The following LAMA3 variants were observed in gnomAD, a reference collection of about 807,000 sequenced individuals.
The protein encoded by LAMA3 is laminin subunit alpha-3.
LAMA3 carries 281 observed loss-of-function variants against 402.0 expected under a neutral mutation model. The ratio of observed to expected loss-of-function variants is 0.70; its 90% CI spans 0.63 to 0.77. LAMA3 has a LOEUF of 0.77. LAMA3 is among the 30% of genes least tolerant of loss of function. The pLI, the probability that LAMA3 is intolerant of heterozygous loss-of-function variation, is 0.00. For missense variants in LAMA3, 3,840 were observed against 4,215.5 expected, an observed-to-expected ratio of 0.91 and a Z score of 2.47; for synonymous variants, 1,431 against 1,558.4, an observed-to-expected ratio of 0.92 and a Z score of 1.93.
At position 23,898,768 on chromosome 18, in the gene LAMA3, T is replaced by C; in HGVS notation, c.5644T>C (p.Ser1882Pro). 1 of 1,610,794 alleles carries C rather than the reference T, an allele frequency of 6.2e-7. No individual in the cohort carries two copies. The highest frequency in any genetic ancestry group is 8.5e-7 in the Non-Finnish European group (1 of 1,176,968). ...NQLLNYRSAI[S>P]NHGSKIEGLE... The stretch of plus-strand genomic sequence containing the variant: ...GTTGCTCAACTACCGTTCTGCCATT[T>C]CAAATCATGGATCAAAAATAGAAGG... The change falls in exon 45 of 75, where the codon TCA becomes CCA. Residue 1882 changes from serine to proline, a missense_variant. Physicochemically the swap from Ser to Pro is moderately conservative, Grantham distance 74. Transcript: ENST00000313654.
chr18:23,728,445 C>A (rs2061335033), intron 2 of LAMA3, among the ~76,000 whole-genome samples: 1 of 152,186 alleles, frequency 6.6e-6, no homozygotes, highest in Non-Finnish European at 1.5e-5. Context: ...CTGTAAGGCT[C>A]CAGCTCTGTC....
At chr18:23,902,967 A>G in intron 48 of LAMA3, 42 bp from the exon 49 acceptor site, 1 of 1,137,708 alleles carries the variant, frequency 8.8e-7, no homozygotes, top group Non-Finnish European at 1.3e-6. Context: ...CCTTCTGATA[A>G]TATATCATAG....
At chr18:23,837,611 A>C (rs1305925354) in intron 25 of LAMA3, among the ~76,000 whole-genome samples, 1 of 134,474 alleles carries the variant, frequency 7.4e-6, no homozygotes, top group Non-Finnish European at 1.6e-5. Context: ...AAGAGTTAAA[A>C]TATCAAGTGT....
chr18:23,749,541 G>T lies in LAMA3; in HGVS notation c.679G>T (p.Gly227Cys). 1.3e-6 allele frequency: 2 copies of T among 1,550,880 alleles called. No homozygotes were observed. The highest frequency in any genetic ancestry group is 1.1e-5 in the South Asian group (1 of 89,766). ...EYSRIVPLEN[G>C]EVVVSLINGR... ...TTCCCGTATTGTACCTTTGGAAAAT[G>T]GTGAGGTAAGTAGATTTGGAAGACT... Residue 227 changes from glycine (G) to cysteine (C), a missense_variant, in exon 4 of 75, where the codon GGT (glycine) becomes TGT (cysteine). Gly to Cys is a radical substitution (Grantham distance 159). Coordinates refer to ENST00000313654, the MANE Select transcript of LAMA3 (RefSeq NM_198129.4).
chr18:23,949,661 A>T, intron 70 of LAMA3, 104 bp from the exon 71 acceptor site: 1 of 1,085,320 alleles, frequency 9.2e-7, no homozygotes, highest in Non-Finnish European at 1.4e-6. Flanking sequence ...ATCCCTACCT[A>T]CCTTCCCCCT....
intron 34 of LAMA3, among the ~76,000 whole-genome samples, chr18:23,860,522 G>A (rs974010317): frequency 2.0e-5 from 3 of 151,896 alleles, no homozygotes; most frequent in Non-Finnish European, 2.9e-5. Context: ...GCCTCCCACA[G>A]TGCTGGGATT....
At position 23,784,169 on chromosome 18, in the gene LAMA3, G is replaced by A; in HGVS notation, c.1603+12G>A. On this transcript the variant is annotated intron_variant, in intron 12 of 74. Coordinates refer to ENST00000313654, the MANE Select transcript of LAMA3 (RefSeq NM_198129.4). Reference sequence around the variant, plus strand: ...CCCTATTTGCCAAGGTAAGTGGGCAGAACATAGCATATTCATAATCAATCC... The same window carrying A: ...CCCTATTTGCCAAGGTAAGTGGGCAAAACATAGCATATTCATAATCAATCC... 6.2e-7 allele frequency: 1 copy of A among 1,614,034 alleles called. No homozygotes were observed. Among genetic ancestry groups the A allele is most frequent in the Non-Finnish European group, 8.5e-7 (1 of 1,179,944 alleles).
chr18:23,766,448 T>C (rs750385280), intron 8 of LAMA3, among the ~76,000 whole-genome samples: 25 of 152,346 alleles, frequency 1.6e-4, no homozygotes, highest in Non-Finnish European at 2.8e-4. Flanking sequence ...GGAAGTTCTT[T>C]AGGTTAAAGA....
rs1354227683 is a variant in LAMA3, at chr18:23,931,128, C to T, written c.8503C>T (p.Pro2835Ser). 1 of 1,613,196 alleles carries T rather than the reference C, an allele frequency of 6.2e-7. No individual in the cohort carries two copies. The change falls in exon 65 of 75, where the codon CCA (proline) becomes TCA (serine). Residue 2835 changes from proline to serine, a missense_variant. This residue lies in a region of LAMA3 where 840 missense variants were observed against 981.9 expected (regional missense o/e 0.86). Coordinates refer to ENST00000313654, the MANE Select transcript of LAMA3 (RefSeq NM_198129.4). ...ATTGAGCACCAGCGATAGCGGCGGCCCAATTTTTAAATCTCCACAGACGTA... is the reference window on the plus strand; with the variant it reads ...ATTGAGCACCAGCGATAGCGGCGGCTCAATTTTTAAATCTCCACAGACGTA... ...IELSTSDSGG[P>S]IFKSPQTYMD...
intron 29 of LAMA3, among the ~76,000 whole-genome samples, chr18:23,843,622 C>G (rs143154812): frequency 3.7e-4 from 56 of 152,316 alleles, no homozygotes; most frequent in Non-Finnish European, 7.5e-4. Context: ...TGGCCATTAC[C>G]TACCTGGCTG....
At chr18:23,788,973 C>T (rs1568185274) in intron 12 of LAMA3, among the ~76,000 whole-genome samples, 2 of 151,316 alleles carry the variant, frequency 1.3e-5, no homozygotes, top group East Asian at 3.9e-4. Context: ...TTTTACAACT[C>T]AATACTTAAA....
chr18:23,833,950 T>G lies in LAMA3; in HGVS notation c.2946T>G (p.Val982=), dbSNP rs201164139. 1.7e-4 allele frequency: 278 copies of G among 1,614,244 alleles called. 1 individual carries two copies. The highest frequency in any genetic ancestry group is 7.6e-5 in the Non-Finnish European group (90 of 1,180,046). ...TGAATGTGAAGAGCTCCGGGTCTGT[T>G]CTGGCAGGCCAGGTGAACATTTACA... The part of the protein sequence containing the change: ...VDVNVKSSGS[V]LAGQVNIYSC... The change falls in exon 24 of 75, where the codon GTT becomes GTG. Residue 982 remains valine (V), a synonymous_variant. Transcript: ENST00000313654.
intron 2 of LAMA3, among the ~76,000 whole-genome samples, chr18:23,745,173 A>ATGTGTGTG (rs55780622): frequency 1.3e-5 from 2 of 148,932 alleles, no homozygotes; most frequent in Non-Finnish European, 3.0e-5. Flanking sequence ...AGAATCAAAA[A>ATGTGTGTG]TGTGTGTGTG....
At chr18:23,934,585 A>T (rs140329500) in intron 67 of LAMA3, among the ~76,000 whole-genome samples, 78 of 152,360 alleles carry the variant, frequency 5.1e-4, no homozygotes, top group African/African-American at 1.9e-3. Context: ...CTCAAGGTCA[A>T]CAATGTAACT....
intron 73 of LAMA3, among the ~76,000 whole-genome samples, chr18:23,952,679 G>A (rs1313409947): frequency 6.6e-6 from 1 of 152,184 alleles, no homozygotes; most frequent in Non-Finnish European, 1.5e-5. Context: ...GGAGACCAGA[G>A]CTTAAATCCC....
At chr18:23,719,501 AT>A (rs2061171729) in intron 2 of LAMA3, among the ~76,000 whole-genome samples, 1 of 152,220 alleles carries the variant, frequency 6.6e-6, no homozygotes, top group African/African-American at 2.4e-5. Flanking sequence ...AAACTGCATT[AT>A]AAATTTTAAG....
chr18:23,950,252 G>T, intron 72 of LAMA3, 93 bp downstream of exon 72: 2 of 1,423,536 alleles, frequency 1.4e-6, no homozygotes, highest in South Asian at 2.3e-5. Context: ...TAGAGAATGG[G>T]ATCCAATCTT....
At chr18:23,691,339 CAAT>C (rs558793081) in intron 1 of LAMA3, among the ~76,000 whole-genome samples, 6 of 151,908 alleles carry the variant, frequency 3.9e-5, no homozygotes, top group African/African-American at 1.4e-4. Flanking sequence ...GACAAAATAA[CAAT>C]GATGAAAATA....
chr18:23,925,992 C>T (rs1212655157), intron 62 of LAMA3, among the ~76,000 whole-genome samples: 1 of 152,210 alleles, frequency 6.6e-6, no homozygotes. Context: ...AAGGCCTTAA[C>T]CTCTTAATGC....
Sources: gnomAD v4.1 joint callset for allele counts (sites outside exome capture counted in the v4.1 genomes callset) on GRCh38, gnomAD v4.1.1 for gene constraint, gnomAD v4.1.1 regional missense constraint, MANE v1.5 for transcripts, NCBI Gene and HGNC (gene_info 2026-07-23, HGNC 2026-07-21) for gene names.